Variants in HEPHL1 observed in about 807,000 individuals in gnomAD.
HEPHL1 encodes ferroxidase HEPHL1.
In HEPHL1, 123 loss-of-function variants were observed where a neutral mutation model predicts 122.0. The observed-to-expected ratio is 1.01, with a 90% CI of 0.87 to 1.17. The LOEUF (loss-of-function observed/expected upper bound fraction) is 1.17. Ranked by LOEUF, HEPHL1 falls within the 50% of genes most tolerant of loss-of-function variation. HEPHL1 has a pLI of 0.00. For synonymous variants in HEPHL1, 527 were observed against 508.9 expected (o/e 1.04, Z -0.48); for missense variants, 1,452 against 1,430.5 (o/e 1.01, Z -0.24).
intron 1 of HEPHL1, among the ~76,000 whole-genome samples, chr11:94,026,673 T>C (rs1945628571): frequency 6.6e-6 from 1 of 152,294 alleles, no homozygotes; most frequent in South Asian, 2.1e-4. Flanking sequence ...TGAAGTGGGG[T>C]GACCAATCTT....
intron 13 of HEPHL1, among the ~76,000 whole-genome samples, chr11:94,097,419 G>A (rs534509112): frequency 1.3e-5 from 2 of 152,312 alleles, no homozygotes; most frequent in African/African-American, 2.4e-5. Context: ...CATTTGCTCA[G>A]TAGTGCTTTA....
Position 94,086,187 on chromosome 11 carries a change from C to T in HEPHL1, c.2078C>T (p.Ala693Val). Residue 693 changes from alanine (A) to valine (V), a missense_variant and splice_region_variant, in exon 11 of 20, where the codon GCA becomes GTA. Physicochemically the swap from Ala to Val is moderately conservative, Grantham distance 64. Coordinates refer to ENST00000315765, the MANE Select transcript of HEPHL1 (RefSeq NM_001098672.2). ...ACAGCATTCATGCAGCCAGACCATG[C>T]AGGTAAACTTGCTGGGTCCATCTCA... ...ATTAFMQPDH[A>V]GIFRVFCATM... The T allele has an allele frequency of 6.2e-7, 1 of 1,607,236 alleles. No individual in the cohort carries two copies. Among genetic ancestry groups the T allele is most frequent in the East Asian group, 2.2e-5 (1 of 44,756 alleles).
Position 94,064,429 on chromosome 11 carries a change from G to A in HEPHL1, c.727G>A (p.Glu243Lys). Residue 243 changes from glutamate (E) to lysine (K), a missense_variant, in exon 4 of 20, where the codon GAA becomes AAA. Transcript: ENST00000315765. ...TGAGAATCAAAGCTGGTACCTCAAT[G>A]AAAATATCAAACATTTCTGCACCAA... Reference protein sequence around the residue: ...VDENQSWYLNENIKHFCTNPD... With the variant: ...VDENQSWYLNKNIKHFCTNPD... 1 of 1,612,934 alleles carries A rather than the reference G, an allele frequency of 6.2e-7. No individual in the cohort carries two copies. Among genetic ancestry groups the A allele is most frequent in the Non-Finnish European group, 8.5e-7 (1 of 1,179,046 alleles).
At chr11:94,080,110 TGAGCAAAATA>T (rs974880487) in intron 9 of HEPHL1, among the ~76,000 whole-genome samples, 1 of 152,098 alleles carries the variant, frequency 6.6e-6, no homozygotes. Flanking sequence ...ATAGAGCAAT[TGAGCAAAATA>T]GAGAACTCAG....
At chr11:94,068,801 A>G (rs1035219184) in intron 5 of HEPHL1, among the ~76,000 whole-genome samples, 3 of 152,184 alleles carry the variant, frequency 2.0e-5, no homozygotes, top group Non-Finnish European at 4.4e-5. Context: ...AGATGATGAA[A>G]CCAAGACAGA....
chr11:94,099,390 G>C (rs1946348656), intron 13 of HEPHL1, among the ~76,000 whole-genome samples: 1 of 152,184 alleles, frequency 6.6e-6, no homozygotes, highest in Non-Finnish European at 1.5e-5. Flanking sequence ...TCTCAGAGGG[G>C]TGCCTGGCCG....
At chr11:94,057,281 T>C (rs775662640) in intron 2 of HEPHL1, among the ~76,000 whole-genome samples, 2 of 152,166 alleles carry the variant, frequency 1.3e-5, no homozygotes, top group Non-Finnish European at 1.5e-5. Flanking sequence ...GCTTCTTTGA[T>C]GTGTAGGTTA....
chr11:94,043,636 C>A (rs1945807282), intron 1 of HEPHL1, among the ~76,000 whole-genome samples: 1 of 152,176 alleles, frequency 6.6e-6, no homozygotes, highest in Non-Finnish European at 1.5e-5. Flanking sequence ...ACACTCCTCA[C>A]TCCTCAAAGA....
At chr11:94,030,492 T>G (rs1463347604) in intron 1 of HEPHL1, among the ~76,000 whole-genome samples, 1 of 152,156 alleles carries the variant, frequency 6.6e-6, no homozygotes, top group African/African-American at 2.4e-5. Context: ...TGACCATTCC[T>G]AGGGTGTGAC....
intron 1 of HEPHL1, 118 bp from the exon 2 acceptor site, chr11:94,045,555 G>C: frequency 1.2e-6 from 1 of 845,110 alleles, no homozygotes; most frequent in East Asian, 2.7e-5. Flanking sequence ...AGAGGTTGCA[G>C]CTTATAGTGA....
At chr11:94,044,241 G>T (rs914192798) in intron 1 of HEPHL1, among the ~76,000 whole-genome samples, 1 of 152,018 alleles carries the variant, frequency 6.6e-6, no homozygotes, top group African/African-American at 2.4e-5. Flanking sequence ...TCTGCCCTAC[G>T]TCTAGGTCCC....
chr11:94,058,534 G>A (rs529584568), intron 2 of HEPHL1, among the ~76,000 whole-genome samples: 166 of 152,186 alleles, frequency 1.1e-3, no homozygotes, highest in Admixed American at 0.01. Flanking sequence ...ATGGAACTTA[G>A]AAGTGGGTTG....
chr11:94,101,285 T>C lies in HEPHL1; in HGVS notation c.2525T>C (p.Val842Ala). 1 of 1,613,860 alleles carries C rather than the reference T, an allele frequency of 6.2e-7. No individual in the cohort carries two copies. Among genetic ancestry groups the C allele is most frequent in the Non-Finnish European group, 8.5e-7 (1 of 1,179,798 alleles). Reference protein sequence around the residue: ...SRPYSISAQGVEEMDSGKQFQ... With the variant: ...SRPYSISAQGAEEMDSGKQFQ... ...CCCTACTCCATCTCAGCCCAGGGTGTGGAGGAGATGGATAGTGGAAAGCAA... is the reference window on the plus strand; with the variant it reads ...CCCTACTCCATCTCAGCCCAGGGTGCGGAGGAGATGGATAGTGGAAAGCAA... Residue 842 changes from valine (V) to alanine (A), a missense_variant, in exon 14 of 20, where the codon GTG becomes GCG. By Grantham distance (64) the Val-to-Ala change is moderately conservative. Coordinates refer to ENST00000315765, the MANE Select transcript of HEPHL1 (RefSeq NM_001098672.2).
At chr11:94,060,475 A>G (rs1395737885) in intron 2 of HEPHL1, among the ~76,000 whole-genome samples, 1 of 152,192 alleles carries the variant, frequency 6.6e-6, no homozygotes, top group African/African-American at 2.4e-5. Flanking sequence ...TAAGTGCTTT[A>G]TAGATATCAT....
chr11:94,034,844 T>C (rs1945707150), intron 1 of HEPHL1, among the ~76,000 whole-genome samples: 1 of 152,162 alleles, frequency 6.6e-6, no homozygotes, highest in Non-Finnish European at 1.5e-5. Context: ...ACAGTTGTAA[T>C]GACTCAGTAT....
At chr11:94,067,370 A>C (rs1325223576) in intron 4 of HEPHL1, 126 bp from the exon 5 acceptor site, 1 of 862,878 alleles carries the variant, frequency 1.2e-6, no homozygotes, top group South Asian at 1.7e-5. Flanking sequence ...GTTTTTCTGC[A>C]CCAAAACCTT....
rs775680596 is a variant in HEPHL1, at chr11:94,093,640, G to C, written c.2434G>C (p.Gly812Arg). 63 of 1,611,860 alleles carry C rather than the reference G, an allele frequency of 3.9e-5. No individual in the cohort carries two copies. The highest frequency in any genetic ancestry group is 4.7e-5 in the Non-Finnish European group (56 of 1,179,366). The part of the protein sequence containing the change: ...PPREEHLELL[G>R]PMIHAEVGNT... ...ACGAGAGGAGCACTTAGAACTCCTG[G>C]GTATGGCACAGATTTCAGGCGTGCA... Residue 812 changes from glycine to arginine, a missense_variant and splice_region_variant, in exon 13 of 20, where the codon GGC becomes CGC. Coordinates refer to ENST00000315765, the MANE Select transcript of HEPHL1 (RefSeq NM_001098672.2).
chr11:94,088,539 A>G (rs1772893998), intron 11 of HEPHL1, among the ~76,000 whole-genome samples: 1 of 152,336 alleles, frequency 6.6e-6, no homozygotes, highest in African/African-American at 2.4e-5. Context: ...TTTATAACAA[A>G]TGAATTTTGG....
intron 15 of HEPHL1, among the ~76,000 whole-genome samples, chr11:94,103,491 CATT>C (rs1382434476): frequency 6.6e-6 from 1 of 151,980 alleles, no homozygotes; most frequent in East Asian, 1.9e-4. Flanking sequence ...ATTTTAAATG[CATT>C]ATTATCAGGG....
Sources: allele counts gnomAD v4.1 joint callset (sites outside exome capture counted in the v4.1 genomes callset), GRCh38; gene constraint gnomAD v4.1.1; transcripts MANE v1.5; gene names NCBI Gene and HGNC (gene_info 2026-07-23, HGNC 2026-07-21).